Variants in HDAC4 observed in about 807,000 individuals in gnomAD.
The protein encoded by HDAC4 is histone deacetylase A.
A neutral mutation model predicts 135.1 loss-of-function variants in HDAC4; 16 were observed. The observed-to-expected ratio is 0.12, with a 90% CI of 0.08 to 0.18. The LOEUF (loss-of-function observed/expected upper bound fraction) is 0.18, where lower values mean the gene tolerates loss of function less well. Among genes scored for constraint, HDAC4 ranks in the 10% least tolerant of loss-of-function variants. The pLI is 1.00. For synonymous variants in HDAC4, 685 were observed against 653.4 expected (o/e 1.05, Z -0.74); for missense variants, 1,143 against 1,511.8 (o/e 0.76, Z 4.05).
At chr2:239,083,617 A>G (rs960081102) in intron 20 of HDAC4, among the ~76,000 whole-genome samples, 10 of 152,358 alleles carry the variant, frequency 6.6e-5, no homozygotes, top group Admixed American at 2.0e-4. Context: ...AATTTCCGGT[A>G]TAAGAATGAG....
At chr2:239,106,707 G>C (rs938618875) in intron 15 of HDAC4, among the ~76,000 whole-genome samples, 1 of 150,506 alleles carries the variant, frequency 6.6e-6, no homozygotes, top group South Asian at 2.2e-4. Flanking sequence ...ATGAGGCACA[G>C]ATTAAAAGTT....
In HDAC4 at chr2:239,066,962, C is replaced by T. The variant is rs371036563; in HGVS notation, c.2870-107G>A. On this transcript the variant is annotated intron_variant, in intron 23 of 26. Coordinates refer to ENST00000543185, the MANE Select transcript of HDAC4 (RefSeq NM_001378414.1). ...GTAAGAAGACTGGGGGCTGGGGTGT[C>T]GAGACACATGGCCAGGCCGGGTTTC... The T allele has an allele frequency of 6.3e-5, 87 of 1,372,616 alleles. No homozygotes were observed. The East Asian group carries it at 1.4e-3, about 22-fold the overall frequency. The allele number at this position is 1,372,616 out of a possible 1,614,324, so 85.0% of individuals were successfully genotyped here.
intron 1 of HDAC4, among the ~76,000 whole-genome samples, chr2:239,374,114 C>G (rs1694823064): frequency 6.6e-6 from 1 of 152,324 alleles, no homozygotes; most frequent in South Asian, 2.1e-4. Flanking sequence ...GTCCGCAGAA[C>G]AGGCACCAAC....
In HDAC4 at chr2:239,141,153, C is replaced by T. The variant is rs939090993; in HGVS notation, c.866-1357G>A. Among the ~76,000 whole-genome samples the T allele has an allele frequency of 4.6e-5, 7 of 152,152 alleles. No homozygotes were observed. The highest frequency in any genetic ancestry group is 1.2e-4 in the African/African-American group (5 of 41,428). On this transcript the variant is annotated intron_variant, in intron 8 of 26. Coordinates refer to ENST00000543185, the MANE Select transcript of HDAC4 (RefSeq NM_001378414.1). The surrounding 1 kb of genome is among the most constrained non-coding windows in gnomAD (Gnocchi z 4.9). ...CGTGGCTTGAGGGAACTGTCATGGG[C>T]GTCTGCATACCAGAGTTAACCCAGC...
intron 2 of HDAC4, among the ~76,000 whole-genome samples, chr2:239,294,757 C>T (rs1385186903): frequency 6.6e-6 from 1 of 152,042 alleles, no homozygotes; most frequent in Non-Finnish European, 1.5e-5. Context: ...AGGCCAGGAG[C>T]TCAGCGTCTC....
chr2:239,127,044 T>C (rs116684455), intron 11 of HDAC4, among the ~76,000 whole-genome samples: 1,837 of 151,862 alleles, frequency 0.012, 35 homozygotes, highest in African/African-American at 0.042. Flanking sequence ...CCTAGAAAAG[T>C]GGGTTTTGGT....
At chr2:239,107,455 G>A (rs1025288969) in intron 15 of HDAC4, among the ~76,000 whole-genome samples, 1 of 152,202 alleles carries the variant, frequency 6.6e-6, no homozygotes, top group Non-Finnish European at 1.5e-5. Context: ...AGCCACATAA[G>A]GGAGCTGAAT....
At position 239,108,039 on chromosome 2, in the gene HDAC4, G is replaced by C; in HGVS notation, c.2112+11C>G. Reference sequence around the variant, plus strand: ...AAGCCGCAGCTGCCCACCTGCCCCGGTCGGCGTTACCTCGCATTTGCCCCG... The same window carrying C: ...AAGCCGCAGCTGCCCACCTGCCCCGCTCGGCGTTACCTCGCATTTGCCCCG... On this transcript the variant is annotated intron_variant, in intron 15 of 26. Transcript: ENST00000543185. The C allele has an allele frequency of 6.2e-7, 1 of 1,610,660 alleles. No homozygotes were observed.
chr2:239,199,275 G>A (rs1012112359), intron 3 of HDAC4, among the ~76,000 whole-genome samples: 5 of 151,884 alleles, frequency 3.3e-5, no homozygotes, highest in Admixed American at 1.3e-4. Flanking sequence ...TCCCAGCAAG[G>A]CCTAAGGCGA....
chr2:239,323,952 T>C (rs2053394798), intron 2 of HDAC4, among the ~76,000 whole-genome samples: 1 of 152,176 alleles, frequency 6.6e-6, no homozygotes, highest in Non-Finnish European at 1.5e-5. Context: ...ATGAAATATA[T>C]CCTCTATTGC....
chr2:239,112,470 C>T (rs1329196367), intron 13 of HDAC4, among the ~76,000 whole-genome samples: 1 of 152,198 alleles, frequency 6.6e-6, no homozygotes, highest in Non-Finnish European at 1.5e-5. Context: ...AGCTTCTGGG[C>T]ACCCAGGACC....
chr2:239,378,211 C>T (rs1695163101), intron 1 of HDAC4, among the ~76,000 whole-genome samples: 1 of 152,112 alleles, frequency 6.6e-6, no homozygotes, highest in African/African-American at 2.4e-5. Flanking sequence ...GCCCAGTGGG[C>T]ATCCGTGACA....
In HDAC4 at chr2:239,352,670, G is replaced by A. The variant is rs10168694; in HGVS notation, c.22+8C>T. On this transcript the variant is annotated splice_region_variant and intron_variant, in intron 2 of 26. Transcript: ENST00000543185. This position sits in a 1 kb window ranked among gnomAD's most constrained non-coding sequence, Gnocchi z 4.4. ...TGTGTGCCCAGAGAAGAAATGACCC[G>A]GCCTTACCTGGATGGCTTTGGGAGC... is the stretch of plus-strand genomic sequence containing the variant. 11,003 of 1,554,700 alleles carry A rather than the reference G, an allele frequency of 7.1e-3. 645 individuals carry two copies. In the African/African-American group the frequency reaches 0.13, roughly 18 times the overall value.
intron 3 of HDAC4, among the ~76,000 whole-genome samples, chr2:239,207,516 CA>C (rs1389743278): frequency 2.6e-5 from 4 of 151,978 alleles, no homozygotes; most frequent in Non-Finnish European, 5.9e-5. Context: ...AGAATAGGCA[CA>C]AATTAAAAAA....
Position 239,343,050 on chromosome 2 carries a change from G to A in HDAC4, c.22+9628C>T, listed in dbSNP as rs186272386. On this transcript the variant is annotated intron_variant, in intron 2 of 26. Coordinates refer to ENST00000543185, the MANE Select transcript of HDAC4 (RefSeq NM_001378414.1). Reference sequence around the variant, plus strand: ...CCAAGGCCTCCATCCCCACCAATGCGTATCACTCCTGAAGGGCCAGCACTC... The same window carrying A: ...CCAAGGCCTCCATCCCCACCAATGCATATCACTCCTGAAGGGCCAGCACTC... 5.9e-5 allele frequency among the ~76,000 whole-genome samples: 9 copies of A among 152,290 alleles called. No individual in the cohort carries two copies. The East Asian group carries it at 1.2e-3, about 20-fold the overall frequency.
In HDAC4 at chr2:239,084,461, G is replaced by A. The variant is rs550322605; in HGVS notation, c.2445-219C>T. On this transcript the variant is annotated intron_variant, in intron 19 of 26. Transcript: ENST00000543185. ...CATGCAGACACACTCACACGCGTGC[G>A]CGCGCACACACACACACACACACAC... Among the ~76,000 whole-genome samples, 574 of 74,106 alleles carry A rather than the reference G, an allele frequency of 7.7e-3. 5 individuals are homozygous for A. Among genetic ancestry groups the A allele is most frequent in the African/African-American group, 0.022 (534 of 24,204 alleles). The allele number at this position is 74,106 out of a possible 152,430, so 48.6% of individuals were successfully genotyped here.
At chr2:239,333,460 G>GA (rs1441503518) in intron 2 of HDAC4, among the ~76,000 whole-genome samples, 1 of 151,886 alleles carries the variant, frequency 6.6e-6, no homozygotes, top group Middle Eastern at 3.2e-3. Flanking sequence ...AGCATTTCAA[G>GA]AAAAAATAAC....
At chr2:239,365,608 G>C (rs1694140278) in intron 1 of HDAC4, among the ~76,000 whole-genome samples, 1 of 152,140 alleles carries the variant, frequency 6.6e-6, no homozygotes, top group African/African-American at 2.4e-5. Context: ...GCACAGGCCA[G>C]GGTCATCAGG....
intron 2 of HDAC4, among the ~76,000 whole-genome samples, chr2:239,275,133 G>A (rs1198743244): frequency 4.0e-5 from 6 of 151,520 alleles, no homozygotes; most frequent in African/African-American, 1.2e-4. Flanking sequence ...CGTGGCTGAC[G>A]GGGATCGGGG....
Sources: gnomAD v4.1 joint callset for allele counts (sites outside exome capture counted in the v4.1 genomes callset) on GRCh38, gnomAD v4.1.1 for gene constraint, Gnocchi (gnomAD v3.1) non-coding constraint, MANE v1.5 for transcripts, NCBI Gene and HGNC (gene_info 2026-07-23, HGNC 2026-07-21) for gene names.